RNF150: variants seen among roughly 807,000 people sequenced by gnomAD.
The protein encoded by RNF150 is ring finger protein 150.
In RNF150, 24 loss-of-function variants were observed where a neutral mutation model predicts 39.3. The ratio of observed to expected loss-of-function variants is 0.61; its 90% CI spans 0.44 to 0.86. The LOEUF (loss-of-function observed/expected upper bound fraction) is 0.86. Ranked by LOEUF, RNF150 falls within the 40% of genes least tolerant of loss-of-function variation. The pLI is 0.00. For synonymous variants in RNF150, 255 were observed against 227.3 expected (o/e 1.12, Z -1.10); for missense variants, 502 against 587.8 (o/e 0.85, Z 1.51).
chr4:140,982,054 AC>A (rs1464037613), intron 1 of RNF150, among the ~76,000 whole-genome samples: 2 of 152,136 alleles, frequency 1.3e-5, no homozygotes, highest in African/African-American at 4.8e-5. Flanking sequence ...CTTCACCATA[AC>A]TATTATTACA....
chr4:141,057,715 C>CT (rs1334218107), intron 1 of RNF150, among the ~76,000 whole-genome samples: 10 of 152,140 alleles, frequency 6.6e-5, no homozygotes, highest in African/African-American at 2.4e-4. Context: ...TCAGCTGTCT[C>CT]TTTGCTGGAC....
chr4:141,000,990 G>A (rs1374368935), intron 1 of RNF150, among the ~76,000 whole-genome samples: 1 of 152,150 alleles, frequency 6.6e-6, no homozygotes, highest in Admixed American at 6.5e-5. Flanking sequence ...TTTGAAAATT[G>A]CTACAGAGAA....
At chr4:141,120,393 G>A (rs1194611596) in intron 1 of RNF150, among the ~76,000 whole-genome samples, 1 of 152,034 alleles carries the variant, frequency 6.6e-6, no homozygotes, top group East Asian at 1.9e-4. Flanking sequence ...AATTGAGGGT[G>A]GTGACTGGGT....
intron 1 of RNF150, among the ~76,000 whole-genome samples, chr4:141,106,994 C>T (rs1739233208): frequency 6.6e-6 from 1 of 152,040 alleles, no homozygotes; most frequent in Non-Finnish European, 1.5e-5. Flanking sequence ...AATCTCTATT[C>T]TTTCACTTGA....
chr4:140,895,927 C>G (rs575772000), intron 6 of RNF150, among the ~76,000 whole-genome samples: 1 of 149,700 alleles, frequency 6.7e-6, no homozygotes, highest in Non-Finnish European at 1.5e-5. Flanking sequence ...CCAAAAAACA[C>G]ATGAAGAAAT....
intron 1 of RNF150, among the ~76,000 whole-genome samples, chr4:140,978,172 G>GTTGCTCAAAA (rs1193934574): frequency 6.6e-6 from 1 of 152,232 alleles, no homozygotes; most frequent in African/African-American, 2.4e-5. Context: ...CTCAAAATAT[G>GTTGCTCAAAA]TAAGGCTCAT....
intron 1 of RNF150, among the ~76,000 whole-genome samples, chr4:141,102,662 G>A (rs751012839): frequency 1.2e-4 from 18 of 152,186 alleles, no homozygotes; most frequent in Non-Finnish European, 2.1e-4. Flanking sequence ...TATCGCAACA[G>A]ATGACCATGG....
At chr4:141,066,006 T>G (rs1737440969) in intron 1 of RNF150, among the ~76,000 whole-genome samples, 1 of 152,036 alleles carries the variant, frequency 6.6e-6, no homozygotes. Context: ...GCATTCTCTG[T>G]GCATGGGTGG....
intron 6 of RNF150, among the ~76,000 whole-genome samples, chr4:140,889,852 A>G (rs1188266693): frequency 3.3e-5 from 5 of 152,196 alleles, no homozygotes; most frequent in Admixed American, 6.5e-5. Flanking sequence ...ATTCAATAGG[A>G]TGTAATCTCC....
At chr4:141,032,819 G>A (rs1471175164) in intron 1 of RNF150, among the ~76,000 whole-genome samples, 1 of 152,150 alleles carries the variant, frequency 6.6e-6, no homozygotes, top group South Asian at 2.1e-4. Flanking sequence ...ACACTATACT[G>A]AGGTCTATTA....
At chr4:140,894,264 C>T (rs1729859482) in intron 6 of RNF150, among the ~76,000 whole-genome samples, 1 of 152,210 alleles carries the variant, frequency 6.6e-6, no homozygotes, top group Non-Finnish European at 1.5e-5. Flanking sequence ...AAATCACCAA[C>T]ATCTTTTGGT....
At chr4:140,978,171 T>G (rs1404850782) in intron 1 of RNF150, among the ~76,000 whole-genome samples, 2 of 152,118 alleles carry the variant, frequency 1.3e-5, no homozygotes, top group Non-Finnish European at 2.9e-5. Flanking sequence ...GCTCAAAATA[T>G]GTAAGGCTCA....
chr4:141,203,245 C>T (rs1327706822), intron 1 of RNF150, among the ~76,000 whole-genome samples: 1 of 91,594 alleles, frequency 1.1e-5, no homozygotes, highest in African/African-American at 4.3e-5. Flanking sequence ...GATATATAAT[C>T]TTGGAGACGA....
In RNF150 at chr4:141,133,089, A is replaced by AGTCCTGCTGCCGAGC. The variant is rs1206367154; in HGVS notation, c.-296_-282dup. ...AGAGGGCCCGCGGGGCTTGCGGAGG[A>AGTCCTGCTGCCGAGC]GTCCTGCTGCCGAGCGTCCTGCTCC... is the stretch of plus-strand genomic sequence containing the variant. On this transcript the variant is annotated 5_prime_UTR_variant, in exon 1 of 7. Transcript: ENST00000515673. The AGTCCTGCTGCCGAGC allele has an allele frequency of 5.4e-6, 2 of 371,672 alleles. No individual in the cohort carries two copies. Among genetic ancestry groups the AGTCCTGCTGCCGAGC allele is most frequent in the East Asian group, 1.3e-4 (2 of 14,894 alleles). 23.0% of individuals were successfully genotyped at this position (371,672 alleles called of 1,614,324 possible).
At chr4:140,912,859 G>A (rs565212935) in intron 5 of RNF150, among the ~76,000 whole-genome samples, 20 of 151,536 alleles carry the variant, frequency 1.3e-4, no homozygotes, top group Admixed American at 1.3e-3. Context: ...TTGGACACGA[G>A]CAAGTGGGTT....
intron 1 of RNF150, among the ~76,000 whole-genome samples, chr4:141,130,403 G>T (rs1007434580): frequency 3.3e-5 from 5 of 152,148 alleles, no homozygotes; most frequent in African/African-American, 1.2e-4. Flanking sequence ...TTAGATAATA[G>T]ACAATTTCCA....
chr4:141,207,162 C>G (rs529024575), intron 1 of RNF150, among the ~76,000 whole-genome samples: 1 of 152,248 alleles, frequency 6.6e-6, no homozygotes, highest in South Asian at 2.1e-4. Context: ...CAGACACACC[C>G]AGAAACAATA....
intron 6 of RNF150, among the ~76,000 whole-genome samples, chr4:140,874,815 G>C (rs1432226396): frequency 2.0e-5 from 3 of 152,144 alleles, no homozygotes; most frequent in Non-Finnish European, 4.4e-5. Context: ...TCAGTCTGTT[G>C]AGTAGCTGAT....
intron 1 of RNF150, among the ~76,000 whole-genome samples, chr4:141,184,606 A>C (rs190655500): frequency 7.8e-4 from 119 of 152,058 alleles, no homozygotes; most frequent in Non-Finnish European, 1.2e-3. Flanking sequence ...GTATTGCCTA[A>C]GTTTTCCTCT....
Sources: allele counts gnomAD v4.1 joint callset (sites outside exome capture counted in the v4.1 genomes callset), GRCh38; gene constraint gnomAD v4.1.1; transcripts MANE v1.5; gene names NCBI Gene and HGNC (gene_info 2026-07-23, HGNC 2026-07-21).